The following CDH13 variants were observed in gnomAD, a reference collection of about 807,000 sequenced individuals.
CDH13 encodes cadherin-13.
A neutral mutation model predicts 63.8 loss-of-function variants in CDH13; 24 were observed. That is an observed-to-expected ratio of 0.38 (90% CI 0.27 to 0.53). The LOEUF (loss-of-function observed/expected upper bound fraction) is 0.53, where lower values mean the gene tolerates loss of function less well. Ranked by LOEUF, CDH13 falls within the 20% of genes least tolerant of loss-of-function variation. The pLI, the probability that CDH13 is intolerant of heterozygous loss-of-function variation, is 0.85. For synonymous variants in CDH13, 503 were observed against 355.3 expected, an observed-to-expected ratio of 1.42 and a Z score of -4.67; for missense variants, 1,049 against 903.1, an observed-to-expected ratio of 1.16 and a Z score of -2.07.
At chr16:82,714,151 A>C (rs1194794383) in intron 1 of CDH13, among the ~76,000 whole-genome samples, 1 of 152,132 alleles carries the variant, frequency 6.6e-6, no homozygotes, top group Non-Finnish European at 1.5e-5. Flanking sequence ...CCCAGCAGCC[A>C]CAGGACACTC....
intron 1 of CDH13, among the ~76,000 whole-genome samples, chr16:82,794,168 T>G (rs796450838): frequency 1.3e-5 from 2 of 150,994 alleles, no homozygotes; most frequent in African/African-American, 4.9e-5. Context: ...TTTGCAATTT[T>G]TTTTCTTTTC....
intron 4 of CDH13, among the ~76,000 whole-genome samples, chr16:83,205,979 T>A (rs1245803042): frequency 6.6e-6 from 1 of 152,242 alleles, no homozygotes; most frequent in East Asian, 1.9e-4. Flanking sequence ...TAGGTTGGGA[T>A]ATATTATTAA....
chr16:83,028,727 C>T (rs1339415428), intron 2 of CDH13, among the ~76,000 whole-genome samples: 1 of 152,116 alleles, frequency 6.6e-6, no homozygotes, highest in African/African-American at 2.4e-5. Context: ...ATGAAAATGG[C>T]ACACAATTTG....
intron 2 of CDH13, among the ~76,000 whole-genome samples, chr16:82,960,316 G>A (rs1020126272): frequency 1.2e-4 from 18 of 152,190 alleles, no homozygotes; most frequent in African/African-American, 3.9e-4. Context: ...GAGGATTTCT[G>A]TGCTTTGGGC....
intron 6 of CDH13, among the ~76,000 whole-genome samples, chr16:83,431,955 G>C (rs539025897): frequency 1.8e-4 from 28 of 152,292 alleles, no homozygotes; most frequent in African/African-American, 6.5e-4. Flanking sequence ...ATTTTGAGCA[G>C]AGGAAAGAGG....
rs34156503 is a variant in CDH13 at position 83,672,409 on chromosome 16, CTTTTTTTTTTTTTTTTTT to C, written c.1284+1454_1284+1471del. ...AGAGTGAGGCAGCTCTCTGGATTCT[CTTTTTTTTTTTTTTTTTT>C]TTTTTTTTTTTTTTTTGAGACAGAG... is the stretch of plus-strand genomic sequence containing the variant. On this transcript the variant is annotated intron_variant, in intron 9 of 13. Transcript: ENST00000567109. Among the ~76,000 whole-genome samples, 188 of 35,162 alleles carry C rather than the reference CTTTTTTTTTTTTTTTTTT, an allele frequency of 5.3e-3. 2 individuals carry two copies. Among genetic ancestry groups the C allele is most frequent in the Middle Eastern group, 0.036 (1 of 28 alleles). The allele number at this position is 35,162 out of a possible 152,430, so 23.1% of individuals were successfully genotyped here.
intron 1 of CDH13, chr16:82,705,376 C>T (rs1423151266): frequency 3.3e-6 from 1 of 302,322 alleles, no homozygotes; most frequent in African/African-American, 2.2e-5. Context: ...TACGCTAATA[C>T]AGTGTCTCAT....
intron 6 of CDH13, among the ~76,000 whole-genome samples, chr16:83,357,320 CAT>C (rs1177908054): frequency 2.6e-5 from 4 of 152,274 alleles, no homozygotes; most frequent in South Asian, 2.1e-4. Flanking sequence ...TGAATAGTAA[CAT>C]GTGTGTACAT....
At chr16:82,682,745 C>T (rs113186458) in intron 1 of CDH13, among the ~76,000 whole-genome samples, 5 of 152,284 alleles carry the variant, frequency 3.3e-5, no homozygotes, top group African/African-American at 9.6e-5. Flanking sequence ...AATTAGGAAA[C>T]GGATGTGCTT....
At chr16:83,249,495 G>A (rs1905278895) in intron 5 of CDH13, among the ~76,000 whole-genome samples, 1 of 152,156 alleles carries the variant, frequency 6.6e-6, no homozygotes. Flanking sequence ...GAGGCACTCT[G>A]ATAAAACTTC....
intron 1 of CDH13, among the ~76,000 whole-genome samples, chr16:82,632,426 A>C (rs1908124392): frequency 6.6e-6 from 1 of 152,166 alleles, no homozygotes; most frequent in Non-Finnish European, 1.5e-5. Context: ...TGAGCACATT[A>C]CTGGCAGTAC....
At chr16:82,904,555 A>T (rs1302249047) in intron 2 of CDH13, among the ~76,000 whole-genome samples, 2 of 151,808 alleles carry the variant, frequency 1.3e-5, no homozygotes, top group South Asian at 2.1e-4. Context: ...TTTTGCCCCA[A>T]CCTAATACCT....
chr16:82,835,782 T>C (rs989523416), intron 1 of CDH13, among the ~76,000 whole-genome samples: 9 of 152,208 alleles, frequency 5.9e-5, no homozygotes, highest in African/African-American at 1.7e-4. Flanking sequence ...TCAATCCATA[T>C]GCATGTTTGC....
chr16:82,718,038 C>T (rs952823806), intron 1 of CDH13, among the ~76,000 whole-genome samples: 11 of 152,146 alleles, frequency 7.2e-5, no homozygotes, highest in African/African-American at 1.7e-4. Flanking sequence ...GACCCTGCAA[C>T]GATGATTTGT....
At chr16:82,635,541 G>T (rs935518723) in intron 1 of CDH13, among the ~76,000 whole-genome samples, 1 of 152,208 alleles carries the variant, frequency 6.6e-6, no homozygotes, top group Non-Finnish European at 1.5e-5. Flanking sequence ...GGCAGCCATT[G>T]AGGGTACTGA....
At chr16:82,869,521 G>C (rs780750102) in intron 2 of CDH13, among the ~76,000 whole-genome samples, 26 of 152,096 alleles carry the variant, frequency 1.7e-4, no homozygotes, top group Non-Finnish European at 3.2e-4. Flanking sequence ...ACCCAGAACA[G>C]CAGAAGCCAT....
intron 2 of CDH13, among the ~76,000 whole-genome samples, chr16:82,970,119 C>A (rs1908488367): frequency 6.6e-6 from 1 of 152,024 alleles, no homozygotes; most frequent in South Asian, 2.1e-4. Context: ...TGGTGTTTCC[C>A]TCCCTGTTTC....
intron 7 of CDH13, among the ~76,000 whole-genome samples, chr16:83,518,154 T>C (rs1170982140): frequency 2.0e-5 from 3 of 151,906 alleles, no homozygotes; most frequent in Non-Finnish European, 4.4e-5. Context: ...TCTTTTGTTT[T>C]GTTTTTTTGA....
chr16:83,112,507 G>T (rs973802081), intron 3 of CDH13, among the ~76,000 whole-genome samples: 2 of 152,202 alleles, frequency 1.3e-5, no homozygotes, highest in African/African-American at 4.8e-5. Flanking sequence ...TTAGGTGTTT[G>T]TGGGTTAGGA....
Sources: allele counts gnomAD v4.1 joint callset (sites outside exome capture counted in the v4.1 genomes callset), GRCh38; gene constraint gnomAD v4.1.1; transcripts MANE v1.5; gene names NCBI Gene and HGNC (gene_info 2026-07-23, HGNC 2026-07-21).